FBXO11: variants seen among roughly 807,000 people sequenced by gnomAD.
FBXO11 encodes F-box only protein 11.
A neutral mutation model predicts 117.0 loss-of-function variants in FBXO11; 13 were observed. The observed-to-expected ratio is 0.11, with a 90% confidence interval of 0.07 to 0.18. The LOEUF is 0.18. FBXO11 is among the 10% of genes least tolerant of loss of function. The pLI, the probability that FBXO11 is intolerant of heterozygous loss-of-function variation, is 1.00. For synonymous variants in FBXO11, 490 were observed against 380.5 expected (o/e 1.29, Z -3.35); for missense variants, 767 against 1,164.4 (o/e 0.66, Z 4.97).
At chr2:47,859,724 T>C (rs1674605556) in intron 1 of FBXO11, among the ~76,000 whole-genome samples, 1 of 152,232 alleles carries the variant, frequency 6.6e-6, no homozygotes, top group Non-Finnish European at 1.5e-5. Context: ...TTAATCATTT[T>C]GATTAAAAAT....
chr2:47,887,840 G>A (rs2103958244), intron 1 of FBXO11, among the ~76,000 whole-genome samples: 1 of 152,242 alleles, frequency 6.6e-6, no homozygotes, highest in African/African-American at 2.4e-5. Flanking sequence ...CAGCCTGAAT[G>A]ACTGAGATTC....
chr2:47,892,780 G>A (rs1162973074), intron 1 of FBXO11, among the ~76,000 whole-genome samples: 1 of 151,942 alleles, frequency 6.6e-6, no homozygotes, highest in Non-Finnish European at 1.5e-5. Context: ...CCAAAACAAT[G>A]AATATAATGA....
In FBXO11 at chr2:47,832,956, T is replaced by C. The variant is rs750651448; in HGVS notation, c.1041+8A>G. The C allele has an allele frequency of 1.0e-5, 16 of 1,606,482 alleles. No homozygotes were observed. Among genetic ancestry groups the C allele is most frequent in the African/African-American group, 1.3e-5 (1 of 74,762 alleles). On this transcript the variant is annotated splice_region_variant and intron_variant, in intron 8 of 22. Coordinates refer to ENST00000403359, the MANE Select transcript of FBXO11 (RefSeq NM_001190274.2). Reference sequence around the variant, plus strand: ...TCAATGTGTATTTTAAATCTTAACATGTCTTACCCTTATTGTCATATATCC... The same window carrying C: ...TCAATGTGTATTTTAAATCTTAACACGTCTTACCCTTATTGTCATATATCC...
rs1670335484 is a variant in FBXO11 at position 47,807,910 on chromosome 2, TGCTAAAACACCCA to T, written c.*195_*207del. The T allele has an allele frequency of 2.0e-6, 1 of 512,434 alleles. No homozygotes were observed. The highest frequency in any genetic ancestry group is 1.9e-5 in the African/African-American group (1 of 52,776). 31.7% of individuals were successfully genotyped at this position (512,434 alleles called of 1,614,324 possible). On this transcript the variant is annotated 3_prime_UTR_variant, in exon 23 of 23. Coordinates refer to ENST00000403359, the MANE Select transcript of FBXO11 (RefSeq NM_001190274.2). ...GTCCCTTCAAGTCTTTACACAGTAA[TGCTAAAACACCCA>T]GCTTTGAGATCCTGAGTCAATATAT...
At chr2:47,862,206 A>G (rs1201689038) in intron 1 of FBXO11, among the ~76,000 whole-genome samples, 1 of 152,172 alleles carries the variant, frequency 6.6e-6, no homozygotes, top group African/African-American at 2.4e-5. Flanking sequence ...CACAGGTGTG[A>G]GCCATCGTGC....
chr2:47,880,458 G>C (rs950002911), intron 1 of FBXO11, among the ~76,000 whole-genome samples: 1 of 151,842 alleles, frequency 6.6e-6, no homozygotes, highest in Non-Finnish European at 1.5e-5. Context: ...AGTTTTCCTG[G>C]CTCCTTTCTT....
At chr2:47,886,501 C>CAAA (rs368848073) in intron 1 of FBXO11, among the ~76,000 whole-genome samples, 2 of 82,646 alleles carry the variant, frequency 2.4e-5, no homozygotes, top group Admixed American at 1.5e-4. Flanking sequence ...GCGAGACTCT[C>CAAA]AAAAAAAAAA....
At chr2:47,892,408 T>C (rs926526734) in intron 1 of FBXO11, among the ~76,000 whole-genome samples, 2 of 152,252 alleles carry the variant, frequency 1.3e-5, no homozygotes, top group Admixed American at 6.5e-5. Context: ...TGTAACACTT[T>C]CCTAGCCCCC....
intron 1 of FBXO11, chr2:47,888,682 C>G (rs1677045478): frequency 8.1e-6 from 8 of 983,670 alleles, no homozygotes; most frequent in Non-Finnish European, 9.7e-6. Context: ...GACAGTTTTT[C>G]AGCCATTGCA....
At chr2:47,847,537 T>G (rs1302381882) in intron 1 of FBXO11, among the ~76,000 whole-genome samples, 1 of 151,664 alleles carries the variant, frequency 6.6e-6, no homozygotes, top group Non-Finnish European at 1.5e-5. Flanking sequence ...GGTGAAACTC[T>G]GTCTCTACCA....
Position 47,806,996 on chromosome 2 carries a change from TCTTA to T in FBXO11, c.*1118_*1121del. On this transcript the variant is annotated 3_prime_UTR_variant, in exon 23 of 23. Coordinates refer to ENST00000403359, the MANE Select transcript of FBXO11 (RefSeq NM_001190274.2). ...TTCTAGGAAATTAAACCCTTTTAATTCTTATCTACCTTCTACATAATGGTTATTG... is the reference window on the plus strand; with the variant it reads ...TTCTAGGAAATTAAACCCTTTTAATTTCTACCTTCTACATAATGGTTATTG... 3 of 718,262 alleles carry T rather than the reference TCTTA, an allele frequency of 4.2e-6. No individual in the cohort carries two copies. Among genetic ancestry groups the T allele is most frequent in the Non-Finnish European group, 7.3e-6 (3 of 411,416 alleles). The allele number at this position is 718,262 out of a possible 1,614,324, so 44.5% of individuals were successfully genotyped here. A position where few individuals can be genotyped will look rare whatever the true frequency, so the allele number is the denominator to read the frequency against.
Position 47,806,955 on chromosome 2 carries a change from C to A in FBXO11, c.*1163G>T, listed in dbSNP as rs1308145377. 8 of 951,118 alleles carry A rather than the reference C, an allele frequency of 8.4e-6. No individual in the cohort carries two copies. Among genetic ancestry groups the A allele is most frequent in the South Asian group, 1.4e-5 (1 of 71,364 alleles). 58.9% of individuals were successfully genotyped at this position (951,118 alleles called of 1,614,324 possible). ...ATAAACTTTATTTTTTAAAAATGACCATTTTTCCATTTTCTTTCTAGGAAA... is the reference window on the plus strand; with the variant it reads ...ATAAACTTTATTTTTTAAAAATGACAATTTTTCCATTTTCTTTCTAGGAAA... On this transcript the variant is annotated 3_prime_UTR_variant, in exon 23 of 23. Transcript: ENST00000403359.
In FBXO11 at chr2:47,835,945, G is replaced by A; in HGVS notation, c.644C>T (p.Pro215Leu). ...TGGATTAATCTGGTAGAATTTTCCA[G>A]GTTCAGGATGCATCATAGGGCGAGT... ...EYTRPMMHPE[P>L]GKFYQINPEE... is the part of the protein sequence containing the mutation. Residue 215 changes from proline (P) to leucine (L), a missense_variant, in exon 5 of 23, where the codon CCT becomes CTT. Physicochemically the swap from Pro to Leu is moderately conservative, Grantham distance 98. Coordinates refer to ENST00000403359, the MANE Select transcript of FBXO11 (RefSeq NM_001190274.2). The A allele has an allele frequency of 1.2e-6, 2 of 1,611,496 alleles. No individual in the cohort carries two copies. The highest frequency in any genetic ancestry group is 1.1e-5 in the South Asian group (1 of 90,930).
At chr2:47,811,024 T>C (rs962984500) in intron 18 of FBXO11, 25 of 152,232 alleles carry the variant, frequency 1.6e-4, no homozygotes, top group African/African-American at 6.0e-4. Flanking sequence ...TGGTTTTATT[T>C]CTGTAGACAT....
rs1321063064 is a variant in FBXO11 at position 47,809,790 on chromosome 2, G to A, written c.2339-83C>T. 6 of 854,038 alleles carry A rather than the reference G, an allele frequency of 7.0e-6. No homozygotes were observed. In the East Asian group the frequency reaches 7.6e-5, roughly 11 times the overall value. The allele number at this position is 854,038 out of a possible 1,614,324, so 52.9% of individuals were successfully genotyped here. A position where few individuals can be genotyped will look rare whatever the true frequency, so the allele number is the denominator to read the frequency against. Reference sequence around the variant, plus strand: ...TGAAATTAGCAAGCAAATGTAAACTGCTTCTTTTATAGAAGTACATTAACC... The same window carrying A: ...TGAAATTAGCAAGCAAATGTAAACTACTTCTTTTATAGAAGTACATTAACC... On this transcript the variant is annotated intron_variant, in intron 19 of 22. Coordinates refer to ENST00000403359, the MANE Select transcript of FBXO11 (RefSeq NM_001190274.2).
chr2:47,831,561 TG>T (rs1290720683), intron 11 of FBXO11, among the ~76,000 whole-genome samples: 2 of 152,060 alleles, frequency 1.3e-5, no homozygotes, highest in Non-Finnish European at 2.9e-5. Flanking sequence ...TGCTACAATG[TG>T]GTGACCCTCT....
chr2:47,822,699 GA>G (rs1415771121), intron 12 of FBXO11, among the ~76,000 whole-genome samples: 1 of 152,150 alleles, frequency 6.6e-6, no homozygotes, highest in African/African-American at 2.4e-5. Context: ...CTTATTAAGG[GA>G]AAATGACAGC....
At chr2:47,808,987 A>G in intron 21 of FBXO11, 171 bp downstream of exon 21, 2 of 504,768 alleles carry the variant, frequency 4.0e-6, no homozygotes, top group Non-Finnish European at 7.0e-6. Context: ...ATAAGCCACC[A>G]CGCCTACCCA....
chr2:47,815,320 G>C (rs1020179032), intron 16 of FBXO11, among the ~76,000 whole-genome samples: 1 of 152,176 alleles, frequency 6.6e-6, no homozygotes, highest in African/African-American at 2.4e-5. Context: ...TATCCCCCTC[G>C]GGAATGAGGA....
Sources: allele counts gnomAD v4.1 joint callset (sites outside exome capture counted in the v4.1 genomes callset), GRCh38; gene constraint gnomAD v4.1.1; transcripts MANE v1.5; gene names NCBI Gene and HGNC (gene_info 2026-07-23, HGNC 2026-07-21).